Variants in SLC25A38 observed in about 807,000 individuals in gnomAD.
SLC25A38 encodes the protein solute carrier family 25 member 38, also known as mitochondrial glycine transporter.
Under a neutral mutation model 33.4 loss-of-function variants are expected in SLC25A38, and 27 were observed. The ratio of observed to expected loss-of-function variants is 0.81; its 90% CI spans 0.60 to 1.11. The LOEUF (loss-of-function observed/expected upper bound fraction) is 1.11. Among genes scored for constraint, SLC25A38 ranks in the 50% most tolerant of loss-of-function variants. The probability of loss-of-function intolerance (pLI) is 0.00; values close to 1 mark genes in which losing one functional copy is unlikely to be tolerated. For missense variants in SLC25A38, 344 were observed against 388.8 expected (o/e 0.88, Z 0.97); for synonymous variants, 123 against 145.9 (o/e 0.84, Z 1.13).
At chr3:39,391,315 T>C in intron 3 of SLC25A38, 126 bp from the exon 4 acceptor site, 3 of 1,302,054 alleles carry the variant, frequency 2.3e-6, no homozygotes, top group Non-Finnish European at 3.3e-6. Context: ...CTATTGGTGT[T>C]CCTTCCACAC....
At chr3:39,390,290 C>T in intron 2 of SLC25A38, 133 bp from the exon 3 acceptor site, 1 of 893,310 alleles carries the variant, frequency 1.1e-6, no homozygotes, top group Non-Finnish European at 1.8e-6. Flanking sequence ...AGAGTATCTC[C>T]AAGGTGCATT....
intron 1 of SLC25A38, among the ~76,000 whole-genome samples, chr3:39,387,010 T>C (rs1422698816): frequency 6.6e-6 from 1 of 151,650 alleles, no homozygotes; most frequent in Non-Finnish European, 1.5e-5. Flanking sequence ...TGAAGAGCCA[T>C]GGGAGTATGG....
At position 39,395,597 on chromosome 3, in the gene SLC25A38, A is replaced by T. The variant is rs917756387; in HGVS notation, c.793-801A>T. Among the ~76,000 whole-genome samples, 4 of 152,062 alleles carry T rather than the reference A, an allele frequency of 2.6e-5. No homozygotes were observed. In the East Asian group the frequency reaches 7.7e-4, roughly 29 times the overall value. On this transcript the variant is annotated intron_variant, in intron 6 of 6. Transcript: ENST00000650617. ...AATATTTTCTTTATGTGAAATCGCA[A>T]ATCAACCCAGATTATGAGGGAGGAG...
chr3:39,386,936 CTG>C (rs2041713981), intron 1 of SLC25A38, among the ~76,000 whole-genome samples: 1 of 152,234 alleles, frequency 6.6e-6, no homozygotes, highest in African/African-American at 2.4e-5. Flanking sequence ...CTGTGTGAGA[CTG>C]AGCTCCAGCG....
At chr3:39,394,656 C>T (rs1440629294) in intron 6 of SLC25A38, 80 bp downstream of exon 6, 3 of 1,535,112 alleles carry the variant, frequency 2.0e-6, no homozygotes, top group East Asian at 2.3e-5. Flanking sequence ...CCTTCACTCA[C>T]ATTAAAATTG....
rs2041836019 is a variant in SLC25A38, at chr3:39,396,807, GCT to G, written c.*290_*291del. The stretch of plus-strand genomic sequence containing the variant: ...CTTGGAAAGGCATTTTCCCAGGAGA[GCT>G]CTGTCAGGTGGCTGCGCTTCAGCCC... On this transcript the variant is annotated 3_prime_UTR_variant, in exon 7 of 7. Coordinates refer to ENST00000650617, the MANE Select transcript of SLC25A38 (RefSeq NM_017875.4). 4.5e-6 allele frequency: 2 copies of G among 442,862 alleles called. No individual in the cohort carries two copies. Among genetic ancestry groups the G allele is most frequent in the African/African-American group, 4.0e-5 (2 of 49,788 alleles). 27.4% of individuals were successfully genotyped at this position (442,862 alleles called of 1,614,324 possible). A position where few individuals can be genotyped will look rare whatever the true frequency, so the allele number is the denominator to read the frequency against.
At chr3:39,390,981 A>G (rs1486380557) in intron 3 of SLC25A38, among the ~76,000 whole-genome samples, 2 of 152,232 alleles carry the variant, frequency 1.3e-5, no homozygotes, top group African/African-American at 2.4e-5. Context: ...GGCCAGTTAT[A>G]TAACTCACTG....
chr3:39,394,677 T>C, intron 6 of SLC25A38, 101 bp downstream of exon 6: 1 of 1,418,278 alleles, frequency 7.1e-7, no homozygotes, highest in East Asian at 2.4e-5. Flanking sequence ...CCTAGAGAGC[T>C]TTTAAAAATC....
Position 39,396,535 on chromosome 3 carries a change from G to C in SLC25A38, c.*15G>C, listed in dbSNP as rs2041833035. 2 of 1,613,972 alleles carry C rather than the reference G, an allele frequency of 1.2e-6. No homozygotes were observed. The highest frequency in any genetic ancestry group is 4.5e-5 in the East Asian group (2 of 44,878). ...TGAAGTCCTGACCAAGAGAGGACTGGGAACGGGTGAAATCTGTTGCCCTGC... is the reference window on the plus strand; with the variant it reads ...TGAAGTCCTGACCAAGAGAGGACTGCGAACGGGTGAAATCTGTTGCCCTGC... On this transcript the variant is annotated 3_prime_UTR_variant, in exon 7 of 7. Coordinates refer to ENST00000650617, the MANE Select transcript of SLC25A38 (RefSeq NM_017875.4).
At chr3:39,387,696 A>G (rs1344971618) in intron 1 of SLC25A38, 1 of 152,546 alleles carries the variant, frequency 6.6e-6, no homozygotes, top group Non-Finnish European at 1.5e-5. Context: ...TGGGCTGGAG[A>G]TGTGGGCATT....
chr3:39,386,865 G>A (rs1195654669), intron 1 of SLC25A38, among the ~76,000 whole-genome samples: 1 of 152,190 alleles, frequency 6.6e-6, no homozygotes, highest in Non-Finnish European at 1.5e-5. Flanking sequence ...GGTCGGAGGT[G>A]TGGGAGAAAG....
At chr3:39,391,801 GC>G in intron 4 of SLC25A38, 51 bp from the exon 5 acceptor site, 1 of 1,612,324 alleles carries the variant, frequency 6.2e-7, no homozygotes, top group Non-Finnish European at 8.5e-7. Context: ...CTTGTTCAGT[GC>G]TGAAATGCAG....
In SLC25A38 at chr3:39,396,492, T is replaced by A; in HGVS notation, c.887T>A (p.Met296Lys). The stretch of plus-strand genomic sequence containing the variant: ...ATGGCGTGGACGGTGTATGAAGAGA[T>A]GATGGCCAAGATGGGCCTGAAGTCC... ...AAMAWTVYEE[M>K]MAKMGLKS Residue 296 changes from methionine to lysine, a missense_variant, in exon 7 of 7, where the codon ATG (methionine) becomes AAG (lysine). Transcript: ENST00000650617. 6.2e-7 allele frequency: 1 copy of A among 1,613,950 alleles called. No homozygotes were observed. The highest frequency in any genetic ancestry group is 8.5e-7 in the Non-Finnish European group (1 of 1,179,966).
Position 39,391,552 on chromosome 3 carries a change from G to C in SLC25A38, c.388G>C (p.Gly130Arg). ...PPTALESVML[G>R]VGSRSVAGVC... is the part of the protein sequence containing the mutation. ...AACCGCCCTGGAGTCAGTCATGCTG[G>C]GGGTGGGCTCTCGCTCTGTTGCAGG... Residue 130 changes from glycine to arginine, a missense_variant, in exon 4 of 7, where the codon GGG becomes CGG. Around this residue, in one of 2 missense-constraint regions of SLC25A38, gnomAD observed 269 missense variants for 271.8 expected, o/e 0.99. Coordinates refer to ENST00000650617, the MANE Select transcript of SLC25A38 (RefSeq NM_017875.4). 1 of 1,614,180 alleles carries C rather than the reference G, an allele frequency of 6.2e-7. No homozygotes were observed. The highest frequency in any genetic ancestry group is 8.5e-7 in the Non-Finnish European group (1 of 1,180,036).
Position 39,391,637 on chromosome 3 carries a change from T to C in SLC25A38, c.456+17T>C, listed in dbSNP as rs769988320. The C allele has an allele frequency of 6.2e-7, 1 of 1,614,210 alleles. No homozygotes were observed. Among genetic ancestry groups the C allele is most frequent in the Non-Finnish European group, 8.5e-7 (1 of 1,180,040 alleles). ...CGCTATGAGGTGAGTTCAACCACTT[T>C]AGGGCCTCAGGATAGTTCGGCTTAG... On this transcript the variant is annotated intron_variant, in intron 4 of 6. Transcript: ENST00000650617.
Position 39,396,845 on chromosome 3 carries a change from C to T in SLC25A38, c.*325C>T. On this transcript the variant is annotated 3_prime_UTR_variant, in exon 7 of 7. Coordinates refer to ENST00000650617, the MANE Select transcript of SLC25A38 (RefSeq NM_017875.4). ...GCTGCGCTTCAGCCCCACCCCTACA[C>T]CACAGGGTCTCCTTGGGTATGTTCT... The T allele has an allele frequency of 2.6e-6, 1 of 386,046 alleles. No homozygotes were observed. The highest frequency in any genetic ancestry group is 3.6e-5 in the Admixed American group (1 of 27,414). The allele number at this position is 386,046 out of a possible 1,614,324, so 23.9% of individuals were successfully genotyped here.
intron 1 of SLC25A38, chr3:39,388,567 A>T (rs917581857): frequency 1.3e-5 from 2 of 152,240 alleles, no homozygotes; most frequent in South Asian, 4.1e-4. Flanking sequence ...ATAATAGTGC[A>T]AATGCCACTT....
chr3:39,396,309 A>G lies in SLC25A38; in HGVS notation c.793-89A>G, dbSNP rs9877539. On this transcript the variant is annotated intron_variant, in intron 6 of 6. Coordinates refer to ENST00000650617, the MANE Select transcript of SLC25A38 (RefSeq NM_017875.4). Reference sequence around the variant, plus strand: ...TTAGAAACTAAGTCTTAAACATGGGATAACAGAGACCCTCACTGTGGTACC... The same window carrying G: ...TTAGAAACTAAGTCTTAAACATGGGGTAACAGAGACCCTCACTGTGGTACC... The G allele has an allele frequency of 0.97, 1,548,035 of 1,588,664 alleles. 757,430 individuals are homozygous for G. The highest frequency in any genetic ancestry group is 1 in the Non-Finnish European group (1,155,786 of 1,158,474).
chr3:39,397,123 C>T lies in SLC25A38; in HGVS notation c.*603C>T, dbSNP rs903253729. 13 of 160,904 alleles carry T rather than the reference C, an allele frequency of 8.1e-5. No individual in the cohort carries two copies. Among genetic ancestry groups the T allele is most frequent in the African/African-American group, 2.4e-4 (10 of 41,476 alleles). 10.0% of individuals were successfully genotyped at this position (160,904 alleles called of 1,614,324 possible). On this transcript the variant is annotated 3_prime_UTR_variant, in exon 7 of 7. Transcript: ENST00000650617. Reference sequence around the variant, plus strand: ...CCAAATAAAATTTTTTGGTCTTGGCCCCTGTACTGTTTTACCTCTAAATTC... The same window carrying T: ...CCAAATAAAATTTTTTGGTCTTGGCTCCTGTACTGTTTTACCTCTAAATTC...
Sources: allele counts gnomAD v4.1 joint callset (sites outside exome capture counted in the v4.1 genomes callset), GRCh38; gene constraint gnomAD v4.1.1; regional missense constraint gnomAD v4.1.1; transcripts MANE v1.5; gene names NCBI Gene and HGNC (gene_info 2026-07-23, HGNC 2026-07-21).